Variants in DPP10 observed in about 807,000 individuals in gnomAD.
DPP10 encodes the protein dipeptidyl peptidase like 10, also known as inactive dipeptidyl peptidase 10.
A neutral mutation model predicts 120.9 loss-of-function variants in DPP10; 33 were observed. The ratio of observed to expected loss-of-function variants is 0.27; its 90% CI spans 0.21 to 0.37. The LOEUF (loss-of-function observed/expected upper bound fraction) is 0.37. Among genes scored for constraint, DPP10 ranks in the 10% least tolerant of loss-of-function variants. The pLI, the probability that DPP10 is intolerant of heterozygous loss-of-function variation, is 1.00. For missense variants in DPP10, 816 were observed against 942.8 expected (o/e 0.87, Z 1.76); for synonymous variants, 337 against 326.1 (o/e 1.03, Z -0.36).
chr2:115,576,224 T>C (rs977642879), intron 5 of DPP10, among the ~76,000 whole-genome samples: 1 of 152,204 alleles, frequency 6.6e-6, no homozygotes, highest in Admixed American at 6.5e-5. Context: ...AGGAATGCCT[T>C]AAAGAATATC....
In DPP10 at chr2:115,681,576, A is replaced by T. The variant is rs2090654313; in HGVS notation, c.442-8111A>T. 2.0e-5 allele frequency among the ~76,000 whole-genome samples: 3 copies of T among 151,804 alleles called. No homozygotes were observed. The South Asian group carries it at 6.2e-4, about 31-fold the overall frequency. On this transcript the variant is annotated intron_variant, in intron 5 of 25. Transcript: ENST00000410059. ...GCTTAGCCTCAGGTAATAACCAAAA[A>T]ATTTCCATATATTTTTGTCCTTTAA...
intron 1 of DPP10, among the ~76,000 whole-genome samples, chr2:115,282,770 C>G (rs2060212308): frequency 6.6e-6 from 1 of 152,090 alleles, no homozygotes; most frequent in African/African-American, 2.4e-5. Flanking sequence ...GTTATTGTTT[C>G]TAACCAATAG....
chr2:115,083,892 A>T (rs1708483202), intron 1 of DPP10, among the ~76,000 whole-genome samples: 3 of 152,222 alleles, frequency 2.0e-5, no homozygotes, highest in African/African-American at 7.2e-5. Flanking sequence ...ACAAAGCGGG[A>T]CAGTAGTTAA....
At chr2:115,188,797 C>T (rs1446806441) in intron 1 of DPP10, among the ~76,000 whole-genome samples, 1 of 151,818 alleles carries the variant, frequency 6.6e-6, no homozygotes, top group Non-Finnish European at 1.5e-5. Context: ...CCAGCAATCA[C>T]ACTTTTAGAC....
At chr2:115,326,728 A>T (rs1438047395) in intron 2 of DPP10, among the ~76,000 whole-genome samples, 1 of 152,082 alleles carries the variant, frequency 6.6e-6, no homozygotes, top group African/African-American at 2.4e-5. Context: ...AAATAAAAAT[A>T]TTAAAATAGA....
At chr2:115,201,354 C>T (rs1161099634) in intron 1 of DPP10, among the ~76,000 whole-genome samples, 5 of 152,006 alleles carry the variant, frequency 3.3e-5, no homozygotes, top group Non-Finnish European at 5.9e-5. Context: ...TCCCAGCTAC[C>T]TGAGAGGCTG....
At chr2:115,003,831 A>C (rs1382286689) in intron 1 of DPP10, among the ~76,000 whole-genome samples, 1 of 152,132 alleles carries the variant, frequency 6.6e-6, no homozygotes, top group Non-Finnish European at 1.5e-5. Context: ...GACTTGATTT[A>C]TTCCAGTACT....
At position 115,450,640 on chromosome 2, in the gene DPP10, A is replaced by G. The variant is rs139616683; in HGVS notation, c.272-48870A>G. On this transcript the variant is annotated intron_variant, in intron 3 of 25. Coordinates refer to ENST00000410059, the MANE Select transcript of DPP10 (RefSeq NM_020868.6). ...ACTTTAGGATGACCAAGGCAGGCACAATGAAGATAAAATATGGCATATCCT... is the reference window on the plus strand; with the variant it reads ...ACTTTAGGATGACCAAGGCAGGCACGATGAAGATAAAATATGGCATATCCT... Among the ~76,000 whole-genome samples the G allele has an allele frequency of 2.1e-3, 319 of 152,098 alleles. 1 individual carries two copies. Among genetic ancestry groups the G allele is most frequent in the African/African-American group, 6.9e-3 (286 of 41,560 alleles).
At chr2:114,977,216 G>T (rs1699809405) in intron 1 of DPP10, among the ~76,000 whole-genome samples, 1 of 151,784 alleles carries the variant, frequency 6.6e-6, no homozygotes, top group Non-Finnish European at 1.5e-5. Context: ...TATATTTTGT[G>T]TGTTGTGATC....
intron 8 of DPP10, among the ~76,000 whole-genome samples, chr2:115,736,799 G>A (rs1028076261): frequency 6.6e-6 from 1 of 152,122 alleles, no homozygotes; most frequent in Admixed American, 6.5e-5. Context: ...AGAGGCTGAC[G>A]GACATGTACT....
intron 5 of DPP10, among the ~76,000 whole-genome samples, chr2:115,541,897 A>ATTTTATTTCACTTTTACTTAC (rs2079192159): frequency 6.6e-6 from 1 of 151,910 alleles, no homozygotes; most frequent in African/African-American, 2.4e-5. Context: ...TTTATTTTAC[A>ATTTTATTTCACTTTTACTTAC]TTTTATTTCA....
intron 1 of DPP10, among the ~76,000 whole-genome samples, chr2:114,702,084 G>A (rs1700416815): frequency 6.6e-6 from 1 of 152,088 alleles, no homozygotes; most frequent in Non-Finnish European, 1.5e-5. Flanking sequence ...GCAGTGTAAT[G>A]TGATTGTCAA....
chr2:115,635,555 C>G (rs1261660787), intron 5 of DPP10, among the ~76,000 whole-genome samples: 1 of 152,142 alleles, frequency 6.6e-6, no homozygotes, highest in Non-Finnish European at 1.5e-5. Flanking sequence ...ACCTGGATAC[C>G]TCAGTTCAGT....
chr2:115,077,461 TAGC>T (rs2104474718), intron 1 of DPP10, among the ~76,000 whole-genome samples: 1 of 152,282 alleles, frequency 6.6e-6, no homozygotes, highest in East Asian at 1.9e-4. Context: ...TTAGTCAAAA[TAGC>T]AAATAATTAT....
At chr2:115,202,981 A>T (rs950963256) in intron 1 of DPP10, among the ~76,000 whole-genome samples, 13 of 152,190 alleles carry the variant, frequency 8.5e-5, no homozygotes, top group African/African-American at 3.1e-4. Flanking sequence ...AACAACAAAA[A>T]ATCTTTTGGA....
At chr2:114,685,844 G>T (rs1016786027) in intron 1 of DPP10, among the ~76,000 whole-genome samples, 3 of 151,838 alleles carry the variant, frequency 2.0e-5, no homozygotes. Context: ...TTCCTATCCG[G>T]TCTTCTTGCT....
intron 1 of DPP10, among the ~76,000 whole-genome samples, chr2:114,756,925 T>A (rs1679804252): frequency 6.6e-6 from 1 of 152,132 alleles, no homozygotes; most frequent in Non-Finnish European, 1.5e-5. Flanking sequence ...TTTTGTACAT[T>A]GATTTTCCTG....
chr2:114,546,658 G>A (rs943486037), intron 1 of DPP10, among the ~76,000 whole-genome samples: 2 of 152,130 alleles, frequency 1.3e-5, no homozygotes, highest in Non-Finnish European at 2.9e-5. Context: ...AAAGTGGCTG[G>A]TGACATCCGT....
chr2:115,081,850 G>A (rs1708300016), intron 1 of DPP10, among the ~76,000 whole-genome samples: 1 of 152,160 alleles, frequency 6.6e-6, no homozygotes, highest in Admixed American at 6.5e-5. Context: ...AAACTCTTTA[G>A]GGTCTCAGTT....
Sources: allele counts gnomAD v4.1 joint callset (sites outside exome capture counted in the v4.1 genomes callset), GRCh38; gene constraint gnomAD v4.1.1; transcripts MANE v1.5; gene names NCBI Gene and HGNC (gene_info 2026-07-23, HGNC 2026-07-21).